GATA3: variants seen among roughly 807,000 people sequenced by gnomAD.
GATA3 encodes trans-acting T-cell-specific transcription factor GATA-3.
A neutral mutation model predicts 36.0 loss-of-function variants in GATA3; 6 were observed. The ratio of observed to expected loss-of-function variants is 0.17; its 90% confidence interval spans 0.09 to 0.33. The LOEUF (loss-of-function observed/expected upper bound fraction) is 0.33, where lower values mean the gene tolerates loss of function less well. GATA3 is among the 10% of genes least tolerant of loss of function. The pLI, the probability that GATA3 is intolerant of heterozygous loss-of-function variation, is 1.00. For missense variants in GATA3, 514 were observed against 610.1 expected, an observed-to-expected ratio of 0.84 and a Z score of 1.66; for synonymous variants, 326 against 273.0, an observed-to-expected ratio of 1.19 and a Z score of -1.92.
intron 4 of GATA3, among the ~76,000 whole-genome samples, chr10:8,068,463 T>C (rs1227952236): frequency 6.6e-6 from 1 of 152,136 alleles, no homozygotes; most frequent in Non-Finnish European, 1.5e-5. Context: ...GTGACCAAGC[T>C]TGAAAGCACA....
At chr10:8,046,281 AG>A (rs1242986078) in intron 1 of GATA3, among the ~76,000 whole-genome samples, 1 of 152,242 alleles carries the variant, frequency 6.6e-6, no homozygotes, top group Non-Finnish European at 1.5e-5. Context: ...GAATCTGGGC[AG>A]GACAGCTGCT....
In GATA3 at chr10:8,058,775, A is replaced by T. The variant is rs2131491067; in HGVS notation, c.712A>T (p.Ser238Cys). The T allele has an allele frequency of 1.2e-6, 2 of 1,610,102 alleles. No individual in the cohort carries two copies. Among genetic ancestry groups the T allele is most frequent in the Non-Finnish European group, 1.7e-6 (2 of 1,179,724 alleles). ...CAGCTCCGGACTCTTCCCCCCCAGC[A>T]GCCTGCTGGGCGGCTCCCCCACCGG... Reference protein sequence around the residue: ...EYSSGLFPPSSLLGGSPTGFG... With the variant: ...EYSSGLFPPSCLLGGSPTGFG... The change falls in exon 3 of 6, where the codon AGC becomes TGC. Residue 238 changes from serine to cysteine, a missense_variant. Physicochemically the swap from Ser to Cys is moderately radical, Grantham distance 112. This residue lies in a region of GATA3 where 381 missense variants were observed against 354.3 expected (regional missense o/e 1.08). Coordinates refer to ENST00000379328, the MANE Select transcript of GATA3 (RefSeq NM_001002295.2).
upstream of GATA3, chr10:8,052,623 T>A (rs34528023): frequency 6.6e-6 from 1 of 152,216 alleles, no homozygotes; most frequent in Admixed American, 6.5e-5. Context: ...CATTTTTCAT[T>A]TTTTCTTTCA....
chr10:8,051,174 C>T (rs1313087368), upstream of GATA3: 1 of 482,048 alleles, frequency 2.1e-6, no homozygotes, highest in Non-Finnish European at 4.3e-6. Context: ...GGGACTTGCA[C>T]GTGGGCATGT....
At chr10:8,051,118 C>A (rs771626795), upstream of GATA3, 1 of 511,208 alleles carries the variant, frequency 2.0e-6, no homozygotes, top group South Asian at 1.5e-5. Flanking sequence ...GGTTTCCCCA[C>A]TTCCACTGGG....
rs1233869120 is a variant in GATA3, at chr10:8,055,664, G to A, written c.9G>A (p.Val3=). ...CGAGCACAGCCGAGGCCATGGAGGT[G>A]ACGGCGGACCAGCCGCGCTGGGTGA... The part of the protein sequence containing the change: ME[V]TADQPRWVSH... Residue 3 remains valine, a synonymous_variant, in exon 2 of 6, where the codon GTG becomes GTA. Coordinates refer to ENST00000379328, the MANE Select transcript of GATA3 (RefSeq NM_001002295.2). The surrounding 1 kb of genome is among the most constrained non-coding windows in gnomAD (Gnocchi z 5.4). 6.4e-7 allele frequency: 1 copy of A among 1,556,642 alleles called. No homozygotes were observed. The highest frequency in any genetic ancestry group is 1.2e-5 in the South Asian group (1 of 84,598).
At chr10:8,050,879 CG>C, upstream of GATA3, 1 of 452,986 alleles carries the variant, frequency 2.2e-6, no homozygotes, top group Non-Finnish European at 4.4e-6. Flanking sequence ...ACTTCGACCC[CG>C]GGGCTCCGCT....
intron 1 of GATA3, among the ~76,000 whole-genome samples, chr10:8,046,648 A>T (rs72782800): frequency 0.054 from 7,376 of 137,832 alleles, 265 homozygotes; most frequent in Non-Finnish European, 0.074. Flanking sequence ...AATGGCTGGC[A>T]GTGTGTGTGT....
chr10:8,051,309 G>C (rs1374430092), upstream of GATA3: 1 of 287,694 alleles, frequency 3.5e-6, no homozygotes, highest in Non-Finnish European at 7.4e-6. Flanking sequence ...GCCGCTTCCA[G>C]GCCTGGGGTT....
chr10:8,066,392 C>CTACA lies in GATA3; in HGVS notation c.924+2255_924+2258dup, dbSNP rs574516484. On this transcript the variant is annotated intron_variant, in intron 4 of 5. Coordinates refer to ENST00000379328, the MANE Select transcript of GATA3 (RefSeq NM_001002295.2). ...TTTTTAGTTCTATAGAATTCATAAGCTACAGGGAGGTAGAACACAGGACAC... is the reference window on the plus strand; with the variant it reads ...TTTTTAGTTCTATAGAATTCATAAGCTACATACAGGGAGGTAGAACACAGGACAC... Among the ~76,000 whole-genome samples, 21 of 150,464 alleles carry CTACA rather than the reference C, an allele frequency of 1.4e-4. No homozygotes were observed. The South Asian group carries it at 1.9e-3, about 14-fold the overall frequency.
rs902252286 is a variant in GATA3 at position 8,055,338 on chromosome 10, G to A, written c.-318G>A. 5.4e-5 allele frequency: 26 copies of A among 483,514 alleles called. No individual in the cohort carries two copies. Among genetic ancestry groups the A allele is most frequent in the African/African-American group, 4.6e-4 (23 of 49,846 alleles). The allele number at this position is 483,514 out of a possible 1,614,324, so 30.0% of individuals were successfully genotyped here. A position where few individuals can be genotyped will look rare whatever the true frequency, so the allele number is the denominator to read the frequency against. ...GAGCGGCTGAGGACCCCGGTGCAGA[G>A]GAGCCTGGCTCGCAGAATTGCAGAG... On this transcript the variant is annotated 5_prime_UTR_variant, in exon 2 of 6. Coordinates refer to ENST00000379328, the MANE Select transcript of GATA3 (RefSeq NM_001002295.2). The surrounding 1 kb of genome is among the most constrained non-coding windows in gnomAD (Gnocchi z 5.4).
Position 8,058,855 on chromosome 10 carries a change from C to T in GATA3, c.778+14C>T. 6.2e-7 allele frequency: 1 copy of T among 1,600,628 alleles called. No homozygotes were observed. The highest frequency in any genetic ancestry group is 8.5e-7 in the Non-Finnish European group (1 of 1,179,636). ...GGTCCAGCACAGGTAGGAGCCAGCT[C>T]TTCCCTGGAGCCTTTTCTCCTCCCT... On this transcript the variant is annotated intron_variant, in intron 3 of 5. Coordinates refer to ENST00000379328, the MANE Select transcript of GATA3 (RefSeq NM_001002295.2).
intron 5 of GATA3, 90 bp downstream of exon 5, chr10:8,069,688 T>C: frequency 1.4e-6 from 2 of 1,455,110 alleles, no homozygotes; most frequent in Non-Finnish European, 1.9e-6. Context: ...AGTGAATCGC[T>C]CACCATGGGG....
chr10:8,045,961 G>T (rs1339184739), intron 1 of GATA3, among the ~76,000 whole-genome samples: 2 of 152,220 alleles, frequency 1.3e-5, no homozygotes, highest in South Asian at 4.1e-4. Context: ...GAGGCTCATT[G>T]TCTCTGCATA....
chr10:8,054,528 CG>C (rs1372035753), upstream of GATA3: 3 of 151,798 alleles, frequency 2.0e-5, no homozygotes. The surrounding 1 kb of genome is among the most constrained non-coding windows in gnomAD (Gnocchi z 4.2). Flanking sequence ...GGAGGAGGGG[CG>C]GGGGTGCGCG....
At chr10:8,062,335 A>C (rs1299831500) in intron 3 of GATA3, among the ~76,000 whole-genome samples, 1 of 38 alleles carries the variant, frequency 0.026, no homozygotes, top group East Asian at 0.5. Flanking sequence ...ATGTGGAGCA[A>C]AAAAAAAAAC....
In GATA3 at chr10:8,055,124, C is replaced by T. The variant is rs1313662734; in HGVS notation, c.-369-163C>T. 6.6e-6 allele frequency among the ~76,000 whole-genome samples: 1 copy of T among 151,976 alleles called. No individual in the cohort carries two copies. The highest frequency in any genetic ancestry group is 1.5e-5 in the Non-Finnish European group (1 of 67,934). ...TCAGCCAGCCCCGGCTCCCGCGAGCCGGGCTGCAGGGACGTCCCCGAGAGC... is the reference window on the plus strand; with the variant it reads ...TCAGCCAGCCCCGGCTCCCGCGAGCTGGGCTGCAGGGACGTCCCCGAGAGC... On this transcript the variant is annotated intron_variant, in intron 1 of 5. Coordinates refer to ENST00000379328, the MANE Select transcript of GATA3 (RefSeq NM_001002295.2). The surrounding 1 kb of genome is among the most constrained non-coding windows in gnomAD (Gnocchi z 5.4).
At chr10:8,072,305 C>T (rs1328799469) in intron 5 of GATA3, among the ~76,000 whole-genome samples, 1 of 152,164 alleles carries the variant, frequency 6.6e-6, no homozygotes. Context: ...AACCCAGAGC[C>T]AAGGGTTCTC....
intron 1 of GATA3, among the ~76,000 whole-genome samples, chr10:8,045,934 G>T (rs563779855): frequency 2.6e-5 from 4 of 152,288 alleles, no homozygotes; most frequent in East Asian, 1.9e-4. Flanking sequence ...ATTTTCCTCT[G>T]TTTAAAGGTG....
Sources: gnomAD v4.1 joint callset for allele counts (sites outside exome capture counted in the v4.1 genomes callset) on GRCh38, gnomAD v4.1.1 for gene constraint, gnomAD v4.1.1 regional missense constraint, Gnocchi (gnomAD v3.1) non-coding constraint, MANE v1.5 for transcripts, NCBI Gene and HGNC (gene_info 2026-07-23, HGNC 2026-07-21) for gene names.